SLC24A2: variants seen among roughly 807,000 people sequenced by gnomAD.
SLC24A2 encodes the protein sodium/potassium/calcium exchanger 2.
A neutral mutation model predicts 62.0 loss-of-function variants in SLC24A2; 36 were observed. That is an observed-to-expected ratio of 0.58 (90% CI 0.44 to 0.77). SLC24A2 has a LOEUF of 0.77. Among genes scored for constraint, SLC24A2 ranks in the 30% least tolerant of loss-of-function variants. SLC24A2 has a pLI of 0.00. For synonymous variants in SLC24A2, 358 were observed against 294.0 expected (o/e 1.22, Z -2.23); for missense variants, 846 against 817.9 (o/e 1.03, Z -0.42).
In SLC24A2 at chr9:19,507,832, C is replaced by T. The variant is rs920165306; in HGVS notation, c.*8321G>A. 6.6e-6 allele frequency: 1 copy of T among 152,162 alleles called. No homozygotes were observed. Among genetic ancestry groups the T allele is most frequent in the Non-Finnish European group, 1.5e-5 (1 of 68,038 alleles). 9.4% of individuals were successfully genotyped at this position (152,162 alleles called of 1,614,324 possible). ...GATGAGGATAGGGGTTACAATGCTCCTTTAAAACGGAGGCGAACAAAGGAA... is the reference window on the plus strand; with the variant it reads ...GATGAGGATAGGGGTTACAATGCTCTTTTAAAACGGAGGCGAACAAAGGAA... On this transcript the variant is annotated 3_prime_UTR_variant, in exon 11 of 11. Transcript: ENST00000341998.
At chr9:20,229,770 C>T in the SLC24A2 span, among the ~76,000 whole-genome samples, 1 of 150,786 alleles carries the variant, frequency 6.6e-6, no homozygotes, top group Non-Finnish European at 1.5e-5. Context: ...TTTAGGGTAC[C>T]TGTGCACAAC....
the SLC24A2 span, among the ~76,000 whole-genome samples, chr9:20,255,934 T>A: frequency 6.6e-6 from 1 of 152,180 alleles, no homozygotes. Context: ...AGGTAACTGA[T>A]AATGAACAGA....
rs1038949838 is a variant in SLC24A2 at position 19,713,262 on chromosome 9, C to T, written c.930+72675G>A. On this transcript the variant is annotated intron_variant, in intron 2 of 10. Transcript: ENST00000341998. Reference sequence around the variant, plus strand: ...GAAGTACCTGCGCCATTTGTAAAGTCAAAAGAGAGACAGGAAGTTTGCATT... The same window carrying T: ...GAAGTACCTGCGCCATTTGTAAAGTTAAAAGAGAGACAGGAAGTTTGCATT... Among the ~76,000 whole-genome samples the T allele has an allele frequency of 3.9e-5, 6 of 151,916 alleles. 1 individual carries two copies. The highest frequency in any genetic ancestry group is 3.9e-4 in the Admixed American group (6 of 15,240).
the SLC24A2 span, among the ~76,000 whole-genome samples, chr9:20,195,099 G>T: frequency 6.6e-6 from 1 of 152,062 alleles, no homozygotes; most frequent in Non-Finnish European, 1.5e-5. Context: ...ATTTGTCCAT[G>T]CTGGAACATG....
chr9:20,093,995 A>G, the SLC24A2 span, among the ~76,000 whole-genome samples: 21 of 152,216 alleles, frequency 1.4e-4, no homozygotes, highest in African/African-American at 5.1e-4. Context: ...ATAAAAAAAT[A>G]GTGTGGTCCC....
chr9:20,037,745 T>G, the SLC24A2 span, among the ~76,000 whole-genome samples: 85 of 152,312 alleles, frequency 5.6e-4, no homozygotes, highest in African/African-American at 1.9e-3. Flanking sequence ...GGAGACACTT[T>G]GGATTGTCTT....
At chr9:19,628,132 G>T (rs1818081585) in intron 2 of SLC24A2, among the ~76,000 whole-genome samples, 1 of 152,084 alleles carries the variant, frequency 6.6e-6, no homozygotes, top group Non-Finnish European at 1.5e-5. Context: ...TCACCTCTTT[G>T]CCTTCCATGG....
the SLC24A2 span, among the ~76,000 whole-genome samples, chr9:20,159,276 G>A: frequency 2.6e-5 from 4 of 151,672 alleles, no homozygotes; most frequent in South Asian, 8.3e-4. Context: ...GCCCCTCTTA[G>A]GAGCCTTTTC....
the SLC24A2 span, among the ~76,000 whole-genome samples, chr9:20,204,910 A>C: frequency 6.6e-6 from 1 of 151,446 alleles, no homozygotes. Context: ...CACTCGGCTA[A>C]TTTTTTTTCT....
chr9:20,080,873 A>G, the SLC24A2 span, among the ~76,000 whole-genome samples: 2 of 152,164 alleles, frequency 1.3e-5, no homozygotes, highest in Non-Finnish European at 2.9e-5. Flanking sequence ...AGACACATGA[A>G]AAAATGCTCA....
chr9:20,208,187 G>T, the SLC24A2 span, among the ~76,000 whole-genome samples: 1 of 152,238 alleles, frequency 6.6e-6, no homozygotes, highest in Non-Finnish European at 1.5e-5. Context: ...GTAGGCACAT[G>T]TGGGTGTTAA....
chr9:20,245,683 G>T, the SLC24A2 span, among the ~76,000 whole-genome samples: 1 of 152,178 alleles, frequency 6.6e-6, no homozygotes, highest in Non-Finnish European at 1.5e-5. Context: ...GAAGTATTAG[G>T]ATGAACAAAA....
the SLC24A2 span, among the ~76,000 whole-genome samples, chr9:20,248,905 T>C: frequency 6.6e-6 from 1 of 152,172 alleles, no homozygotes; most frequent in Non-Finnish European, 1.5e-5. Context: ...TCCAGAGATA[T>C]ATTCATGGTT....
At chr9:20,288,171 C>T in the SLC24A2 span, among the ~76,000 whole-genome samples, 1 of 152,140 alleles carries the variant, frequency 6.6e-6, no homozygotes, top group Non-Finnish European at 1.5e-5. Context: ...CCATCATCTG[C>T]TCATCACCTG....
At chr9:20,210,197 T>G in the SLC24A2 span, among the ~76,000 whole-genome samples, 2 of 152,122 alleles carry the variant, frequency 1.3e-5, no homozygotes, top group Admixed American at 1.3e-4. Flanking sequence ...GGGGACAGGT[T>G]TAACACCCGC....
the SLC24A2 span, among the ~76,000 whole-genome samples, chr9:20,297,094 G>C: frequency 6.6e-6 from 1 of 152,240 alleles, no homozygotes; most frequent in Admixed American, 6.5e-5. Context: ...TATGGTGTTT[G>C]GAATTGTGTC....
At chr9:19,645,553 G>A (rs1250613757) in intron 2 of SLC24A2, among the ~76,000 whole-genome samples, 3 of 152,110 alleles carry the variant, frequency 2.0e-5, no homozygotes, top group Non-Finnish European at 4.4e-5. Context: ...GGCAATGAAG[G>A]GTGTGGAAGA....
At chr9:20,150,870 G>A in the SLC24A2 span, among the ~76,000 whole-genome samples, 1 of 151,772 alleles carries the variant, frequency 6.6e-6, no homozygotes, top group Non-Finnish European at 1.5e-5. Flanking sequence ...AGAAGAACTG[G>A]AATAAAACAC....
chr9:19,719,499 G>A (rs542705991), intron 2 of SLC24A2, among the ~76,000 whole-genome samples: 1 of 152,240 alleles, frequency 6.6e-6, no homozygotes, highest in South Asian at 2.1e-4. Flanking sequence ...TGAGAGCTGA[G>A]GCTGAGAAAT....
Sources: allele counts gnomAD v4.1 joint callset (sites outside exome capture counted in the v4.1 genomes callset), GRCh38; gene constraint gnomAD v4.1.1; transcripts MANE v1.5; gene names NCBI Gene and HGNC (gene_info 2026-07-23, HGNC 2026-07-21).